The following TRPM7 variants were observed in gnomAD, a reference collection of about 807,000 sequenced individuals.
The protein encoded by TRPM7 is LTRPC ion channel family member 7.
TRPM7 carries 134 observed loss-of-function variants against 229.7 expected under a neutral mutation model. The observed-to-expected ratio is 0.58, with a 90% CI of 0.51 to 0.67. TRPM7 has a LOEUF of 0.67. Ranked by LOEUF, TRPM7 falls within the 30% of genes least tolerant of loss-of-function variation. The pLI is 0.00. For synonymous variants in TRPM7, 699 were observed against 715.2 expected (o/e 0.98, Z 0.36); for missense variants, 1,901 against 2,210.0 (o/e 0.86, Z 2.80).
chr15:50,680,524 G>A lies in TRPM7; in HGVS notation c.3+6007C>T, dbSNP rs186390637. On this transcript the variant is annotated intron_variant, in intron 1 of 38. Transcript: ENST00000646667. ...GCGGAGTCTGCAATGAGCCAAGATC[G>A]CACCACTGAACTCTAGCCTAATTGA... Among the ~76,000 whole-genome samples, 659 of 150,558 alleles carry A rather than the reference G, an allele frequency of 4.4e-3. 2 individuals carry two copies. Among genetic ancestry groups the A allele is most frequent in the Non-Finnish European group, 8.4e-3 (571 of 67,742 alleles).
At chr15:50,625,680 C>T (rs2060536782) in intron 11 of TRPM7, among the ~76,000 whole-genome samples, 1 of 152,170 alleles carries the variant, frequency 6.6e-6, no homozygotes, top group Admixed American at 6.5e-5. Flanking sequence ...GAATTAGAGG[C>T]ATGAGCCACC....
At chr15:50,659,329 G>A (rs2061671280) in intron 2 of TRPM7, among the ~76,000 whole-genome samples, 1 of 152,110 alleles carries the variant, frequency 6.6e-6, no homozygotes, top group South Asian at 2.1e-4. Flanking sequence ...CTAACTTTCT[G>A]GAAGACATTC....
chr15:50,609,058 C>T (rs2059994696), intron 19 of TRPM7, among the ~76,000 whole-genome samples: 1 of 152,132 alleles, frequency 6.6e-6, no homozygotes, highest in Admixed American at 6.5e-5. Context: ...ATCAATTTTT[C>T]CATAAAGCAA....
intron 38 of TRPM7, among the ~76,000 whole-genome samples, chr15:50,564,715 CACTG>C (rs1203363390): frequency 6.6e-6 from 1 of 152,026 alleles, no homozygotes; most frequent in Non-Finnish European, 1.5e-5. Context: ...TATTTGACCT[CACTG>C]AATCATAAAC....
chr15:50,562,833 T>C (rs944539105), intron 38 of TRPM7, among the ~76,000 whole-genome samples: 4 of 150,686 alleles, frequency 2.7e-5, no homozygotes, highest in South Asian at 4.2e-4. Flanking sequence ...GAGGGACAGA[T>C]GGAAGATGGT....
intron 36 of TRPM7, among the ~76,000 whole-genome samples, chr15:50,572,365 T>G (rs1389223956): frequency 6.6e-6 from 1 of 152,200 alleles, no homozygotes; most frequent in East Asian, 1.9e-4. Flanking sequence ...GTCATCAACA[T>G]GGAGGCCAGA....
chr15:50,608,980 A>G (rs1331082661), intron 19 of TRPM7, among the ~76,000 whole-genome samples: 1 of 152,202 alleles, frequency 6.6e-6, no homozygotes, highest in Non-Finnish European at 1.5e-5. Context: ...ATAAACACCT[A>G]CATTTCAACC....
chr15:50,648,618 C>T, intron 4 of TRPM7, 69 bp downstream of exon 4: 1 of 1,403,120 alleles, frequency 7.1e-7, no homozygotes, highest in Non-Finnish European at 9.6e-7. Flanking sequence ...GTCAATATTG[C>T]TACACAAATT....
At chr15:50,675,211 C>T (rs937497320) in intron 1 of TRPM7, among the ~76,000 whole-genome samples, 1 of 151,978 alleles carries the variant, frequency 6.6e-6, no homozygotes, top group Non-Finnish European at 1.5e-5. Flanking sequence ...GGCATGGTGG[C>T]GGGCACCTGT....
Position 50,675,416 on chromosome 15 carries a change from C to T in TRPM7, c.3+11115G>A, listed in dbSNP as rs2062071922. On this transcript the variant is annotated intron_variant, in intron 1 of 38. Coordinates refer to ENST00000646667, the MANE Select transcript of TRPM7 (RefSeq NM_017672.6). The stretch of plus-strand genomic sequence containing the variant: ...CAATTTTGTTTATTTCAAAAACTTA[C>T]TACCTCTCATTCTGTTTATGTAACA... Among the ~76,000 whole-genome samples the T allele has an allele frequency of 1.3e-5, 2 of 151,990 alleles. 1 individual carries two copies. The highest frequency in any genetic ancestry group is 4.1e-4 in the South Asian group (2 of 4,824).
At chr15:50,676,224 G>T (rs915008698) in intron 1 of TRPM7, among the ~76,000 whole-genome samples, 8 of 152,132 alleles carry the variant, frequency 5.3e-5, no homozygotes, top group Admixed American at 1.3e-4. Flanking sequence ...TTCCTGCCTA[G>T]ATGCTGCTAG....
At chr15:50,645,383 A>G (rs539409233) in intron 4 of TRPM7, among the ~76,000 whole-genome samples, 4 of 151,610 alleles carry the variant, frequency 2.6e-5, no homozygotes, top group South Asian at 2.1e-4. Flanking sequence ...TTTTTTTGAC[A>G]AAGTCCCGCT....
In TRPM7 at chr15:50,560,908, T is replaced by A. The variant is rs761720538; in HGVS notation, c.*770A>T. 1.4e-4 allele frequency: 22 copies of A among 152,612 alleles called. No homozygotes were observed. The highest frequency in any genetic ancestry group is 3.1e-4 in the Non-Finnish European group (21 of 68,032). The allele number at this position is 152,612 out of a possible 1,614,324, so 9.5% of individuals were successfully genotyped here. On this transcript the variant is annotated 3_prime_UTR_variant, in exon 39 of 39. Coordinates refer to ENST00000646667, the MANE Select transcript of TRPM7 (RefSeq NM_017672.6). ...AAGGTAACTTCCCTTGACGAGTGAG[T>A]TAGGTTTCTGCTTTTATAATTTAGG...
rs777133734 is a variant in TRPM7, at chr15:50,599,101, C to A, written c.3163+21G>T. The A allele has an allele frequency of 4.6e-6, 7 of 1,526,980 alleles. No homozygotes were observed. The East Asian group carries it at 1.6e-4, about 35-fold the overall frequency. 94.6% of individuals were successfully genotyped at this position (1,526,980 alleles called of 1,614,324 possible). ...AACACAAAATAACCAAAAGATAAAT[C>A]TGTAAATATACAATTCTTACCATCA... On this transcript the variant is annotated intron_variant, in intron 22 of 38. Transcript: ENST00000646667.
chr15:50,628,330 G>C, intron 10 of TRPM7, 81 bp from the exon 11 acceptor site: 2 of 935,630 alleles, frequency 2.1e-6, no homozygotes, highest in Non-Finnish European at 3.4e-6. Context: ...TTTTTTAAGA[G>C]ATGGGGTCTT....
intron 13 of TRPM7, among the ~76,000 whole-genome samples, chr15:50,616,982 A>G (rs977174016): frequency 6.6e-6 from 1 of 152,120 alleles, no homozygotes; most frequent in Non-Finnish European, 1.5e-5. Context: ...ATGTATTTCA[A>G]TAAAGCTATA....
intron 13 of TRPM7, among the ~76,000 whole-genome samples, chr15:50,615,523 C>T (rs1051128920): frequency 6.6e-6 from 1 of 152,126 alleles, no homozygotes; most frequent in Non-Finnish European, 1.5e-5. Flanking sequence ...ATTAAATAAT[C>T]TTAAAGGGAT....
chr15:50,592,086 T>G lies in TRPM7; in HGVS notation c.4149A>C (p.Lys1383Asn). The G allele has an allele frequency of 6.2e-7, 1 of 1,610,858 alleles. No individual in the cohort carries two copies. The highest frequency in any genetic ancestry group is 2.2e-5 in the East Asian group (1 of 44,860). ...ELLKIFNKNQ[K>N]LGSSSTSIPH... ...GTATGCTAGTAGATGAACTGCCTAA[T>G]TTTTGATTTTTATTAAATATTTTTA... The change falls in exon 26 of 39, where the codon AAA becomes AAC. Residue 1383 changes from lysine (K) to asparagine (N), a missense_variant. By Grantham distance (94) the Lys-to-Asn change is moderately conservative (BLOSUM62 0). This residue lies in a region of TRPM7 where 533 missense variants were observed against 497.1 expected (regional missense o/e 1.07). Transcript: ENST00000646667.
At chr15:50,569,208 T>A (rs1419599589) in intron 38 of TRPM7, among the ~76,000 whole-genome samples, 1 of 152,088 alleles carries the variant, frequency 6.6e-6, no homozygotes, top group African/African-American at 2.4e-5. Flanking sequence ...TAGGGGAATT[T>A]TTTTTTAAAG....
Sources: allele counts gnomAD v4.1 joint callset (sites outside exome capture counted in the v4.1 genomes callset), GRCh38; gene constraint gnomAD v4.1.1; regional missense constraint gnomAD v4.1.1; transcripts MANE v1.5; gene names NCBI Gene and HGNC (gene_info 2026-07-23, HGNC 2026-07-21).